COMMD1: variants seen among roughly 807,000 people sequenced by gnomAD.
COMMD1 encodes the protein COMM domain-containing protein 1.
A neutral mutation model predicts 17.2 loss-of-function variants in COMMD1; 10 were observed. The ratio of observed to expected loss-of-function variants is 0.58; its 90% CI spans 0.36 to 0.99. The LOEUF is 0.99. Among genes scored for constraint, COMMD1 ranks in the 50% least tolerant of loss-of-function variants. The pLI is 0.01. For missense variants in COMMD1, 270 were observed against 231.8 expected (o/e 1.17, Z -1.07); for synonymous variants, 97 against 91.6 (o/e 1.06, Z -0.34).
chr2:61,927,162 G>A (rs891008695), intron 1 of COMMD1, among the ~76,000 whole-genome samples: 1 of 152,188 alleles, frequency 6.6e-6, no homozygotes, highest in African/African-American at 2.4e-5. Context: ...GCGATGGGGA[G>A]ATAGAACAAT....
In COMMD1 at chr2:62,022,321, A is replaced by G. The variant is rs116814783; in HGVS notation, c.462+21339A>G. Among the ~76,000 whole-genome samples the G allele has an allele frequency of 5.0e-3, 748 of 150,340 alleles. 7 individuals are homozygous for G. The highest frequency in any genetic ancestry group is 0.017 in the African/African-American group (711 of 41,136). On this transcript the variant is annotated intron_variant, in intron 2 of 2. Transcript: ENST00000311832. The stretch of plus-strand genomic sequence containing the variant: ...ACTCTTAAGAAAATTGCTTGACCCT[A>G]GTTCCTGGAATTTGGTTTTGCTCCT...
At chr2:62,019,276 C>G (rs1006218346) in intron 2 of COMMD1, among the ~76,000 whole-genome samples, 1 of 151,872 alleles carries the variant, frequency 6.6e-6, no homozygotes, top group African/African-American at 2.4e-5. Context: ...TGGGTTCAAG[C>G]AATTCTTCTG....
chr2:61,937,728 T>C (rs1368306774), intron 1 of COMMD1, among the ~76,000 whole-genome samples: 5 of 152,244 alleles, frequency 3.3e-5, no homozygotes, highest in Non-Finnish European at 5.9e-5. Context: ...TACAGACTTA[T>C]GGCAATTAGC....
intron 2 of COMMD1, among the ~76,000 whole-genome samples, chr2:62,009,071 A>G (rs1669206447): frequency 6.6e-6 from 1 of 152,084 alleles, no homozygotes; most frequent in Non-Finnish European, 1.5e-5. Flanking sequence ...GGTGTGAGCC[A>G]CCGGGCCCGG....
chr2:62,019,956 TA>T (rs1372080860), intron 2 of COMMD1, among the ~76,000 whole-genome samples: 12 of 152,200 alleles, frequency 7.9e-5, no homozygotes, highest in South Asian at 2.1e-4. Flanking sequence ...AGCCACAGAT[TA>T]TTTACATTCA....
intron 1 of COMMD1, among the ~76,000 whole-genome samples, chr2:61,960,915 G>A (rs751459457): frequency 6.6e-6 from 1 of 152,168 alleles, no homozygotes; most frequent in African/African-American, 2.4e-5. Context: ...TGATATCTGC[G>A]GCTTGGTAAG....
chr2:62,031,907 A>G (rs897977165), intron 2 of COMMD1, among the ~76,000 whole-genome samples: 2 of 152,226 alleles, frequency 1.3e-5, no homozygotes, highest in African/African-American at 4.8e-5. Flanking sequence ...TTTGCTTTTG[A>G]GAACATCCAC....
At chr2:62,027,914 A>C (rs987458206) in intron 2 of COMMD1, among the ~76,000 whole-genome samples, 5 of 152,104 alleles carry the variant, frequency 3.3e-5, no homozygotes, top group African/African-American at 1.2e-4. Flanking sequence ...TGACCTCCCA[A>C]AGTGCTGGAA....
chr2:61,925,285 C>T (rs1035257979), intron 1 of COMMD1, among the ~76,000 whole-genome samples: 8 of 151,766 alleles, frequency 5.3e-5, no homozygotes, highest in Non-Finnish European at 1.2e-4. Flanking sequence ...AGAGAAAGGA[C>T]GAGAGGGAGA....
At chr2:61,914,779 A>T (rs1348268244) in intron 1 of COMMD1, among the ~76,000 whole-genome samples, 1 of 149,502 alleles carries the variant, frequency 6.7e-6, no homozygotes, top group Non-Finnish European at 1.5e-5. Flanking sequence ...CAACCTCCGC[A>T]TCCTGGGTTC....
intron 2 of COMMD1, chr2:62,084,669 G>A (rs1334125202): frequency 1.3e-5 from 2 of 152,172 alleles, no homozygotes; most frequent in Non-Finnish European, 2.9e-5. Context: ...GTCACCATCA[G>A]TTGCTTTCTG....
intron 1 of COMMD1, among the ~76,000 whole-genome samples, chr2:61,907,391 CACCCG>C (rs1183944346): frequency 6.6e-6 from 1 of 152,232 alleles, no homozygotes; most frequent in Non-Finnish European, 1.5e-5. Flanking sequence ...AGGCGTGAGC[CACCCG>C]GCCCGGCCAA....
At chr2:62,120,823 A>G (rs1259529287) in intron 2 of COMMD1, among the ~76,000 whole-genome samples, 1 of 152,110 alleles carries the variant, frequency 6.6e-6, no homozygotes, top group East Asian at 1.9e-4. Flanking sequence ...CCTGTGCTCA[A>G]GCAGCCCTCC....
intron 1 of COMMD1, among the ~76,000 whole-genome samples, chr2:61,983,334 C>T (rs1672007924): frequency 6.6e-6 from 1 of 151,872 alleles, no homozygotes; most frequent in Admixed American, 6.6e-5. Context: ...GGACTACAGG[C>T]ACGTGCCACC....
At chr2:61,978,582 A>G (rs1052257600) in intron 1 of COMMD1, among the ~76,000 whole-genome samples, 4 of 152,188 alleles carry the variant, frequency 2.6e-5, no homozygotes, top group African/African-American at 9.7e-5. Context: ...AGGCAGTGCT[A>G]AGAGGAAAAG....
At chr2:61,896,220 A>G (rs1056109270) in intron 1 of COMMD1, among the ~76,000 whole-genome samples, 3 of 152,194 alleles carry the variant, frequency 2.0e-5, no homozygotes, top group Non-Finnish European at 4.4e-5. Context: ...TTAATCTCCA[A>G]TGCAACAGCG....
At chr2:62,016,896 T>C (rs1239891514) in intron 2 of COMMD1, among the ~76,000 whole-genome samples, 1 of 152,218 alleles carries the variant, frequency 6.6e-6, no homozygotes, top group African/African-American at 2.4e-5. Context: ...TCATATGATA[T>C]GAGGCCATTC....
intron 2 of COMMD1, among the ~76,000 whole-genome samples, chr2:62,099,967 A>C (rs1553391387): frequency 6.6e-6 from 1 of 152,134 alleles, no homozygotes; most frequent in African/African-American, 2.4e-5. Flanking sequence ...GAAAAATAAT[A>C]GTTCAGTTCC....
At position 62,078,879 on chromosome 2, in the gene COMMD1, A is replaced by G. The variant is rs1012207310; in HGVS notation, c.463-56952A>G. On this transcript the variant is annotated intron_variant, in intron 2 of 2. Coordinates refer to ENST00000311832, the MANE Select transcript of COMMD1 (RefSeq NM_152516.4). ...GCAACAGAGTGAGACTCCATCTCAG[A>G]AAAAAAAAAAAAAAAGAATTGTGGT... Among the ~76,000 whole-genome samples the G allele has an allele frequency of 3.7e-4, 53 of 142,678 alleles. No individual in the cohort carries two copies. In the Middle Eastern group the frequency reaches 0.029, roughly 79 times the overall value. 93.6% of individuals were successfully genotyped at this position (142,678 alleles called of 152,430 possible).
Sources: allele counts gnomAD v4.1 joint callset (sites outside exome capture counted in the v4.1 genomes callset), GRCh38; gene constraint gnomAD v4.1.1; transcripts MANE v1.5; gene names NCBI Gene and HGNC (gene_info 2026-07-23, HGNC 2026-07-21).